SGCD: variants seen among roughly 807,000 people sequenced by gnomAD.
The protein encoded by SGCD is sarcoglycan delta.
In SGCD, 18 loss-of-function variants were observed where a neutral mutation model predicts 36.6. That is an observed-to-expected ratio of 0.49 (90% CI 0.34 to 0.73). The LOEUF is 0.73. Among genes scored for constraint, SGCD ranks in the 30% least tolerant of loss-of-function variants. The pLI, the probability that SGCD is intolerant of heterozygous loss-of-function variation, is 0.01. For synonymous variants in SGCD, 133 were observed against 130.6 expected (o/e 1.02, Z -0.12); for missense variants, 387 against 346.7 (o/e 1.12, Z -0.92).
intron 1 of SGCD, among the ~76,000 whole-genome samples, chr5:155,980,972 A>G (rs1052743557): frequency 6.6e-6 from 1 of 152,196 alleles, no homozygotes; most frequent in Non-Finnish European, 1.5e-5. Context: ...CCAAAGGGGC[A>G]GTGTAAACTC....
intron 3 of SGCD, among the ~76,000 whole-genome samples, chr5:156,296,009 AAG>A (rs1186810139): frequency 6.6e-6 from 1 of 152,180 alleles, no homozygotes; most frequent in Non-Finnish European, 1.5e-5. Flanking sequence ...GGTAGGAAGC[AAG>A]AGAGAGAGAA....
chr5:155,730,284 A>G, the SGCD span, among the ~76,000 whole-genome samples: 1 of 152,180 alleles, frequency 6.6e-6, no homozygotes. Context: ...CCAAAGCAGC[A>G]TCTTCCAAAA....
At chr5:155,815,844 C>G in the SGCD span, among the ~76,000 whole-genome samples, 1 of 151,794 alleles carries the variant, frequency 6.6e-6, no homozygotes, top group Admixed American at 6.6e-5. Flanking sequence ...TTGAGGGGAC[C>G]CAAATCTAAA....
chr5:156,143,184 G>A (rs1762617161), intron 3 of SGCD, among the ~76,000 whole-genome samples: 1 of 152,224 alleles, frequency 6.6e-6, no homozygotes, highest in Non-Finnish European at 1.5e-5. Context: ...TTCAAAGAGT[G>A]CAAACTGTAA....
intron 7 of SGCD, among the ~76,000 whole-genome samples, chr5:156,666,874 C>T (rs1312591624): frequency 6.6e-6 from 1 of 152,106 alleles, no homozygotes; most frequent in Non-Finnish European, 1.5e-5. Context: ...ATCTCTCTTG[C>T]TTTTCCCCAC....
At chr5:155,830,139 C>T in the SGCD span, among the ~76,000 whole-genome samples, 613 of 152,270 alleles carry the variant, frequency 4.0e-3, 4 homozygotes, top group African/African-American at 0.014. Flanking sequence ...GTGTATTAGA[C>T]TTCTAAAGCT....
At chr5:156,303,227 A>G (rs1767103931) in intron 3 of SGCD, among the ~76,000 whole-genome samples, 1 of 152,028 alleles carries the variant, frequency 6.6e-6, no homozygotes, top group Non-Finnish European at 1.5e-5. Flanking sequence ...CCTTTTCCAT[A>G]AGCAGAGGAG....
chr5:156,312,888 T>C (rs2127691559), intron 3 of SGCD, among the ~76,000 whole-genome samples: 1 of 152,324 alleles, frequency 6.6e-6, no homozygotes, highest in Non-Finnish European at 1.5e-5. Context: ...CTCAGCTCCC[T>C]ATTTCTTACA....
At chr5:156,004,468 TA>T (rs1758720174) in intron 1 of SGCD, among the ~76,000 whole-genome samples, 1 of 152,192 alleles carries the variant, frequency 6.6e-6, no homozygotes, top group Admixed American at 6.5e-5. Context: ...TGAATAATGC[TA>T]ACAACCCGTA....
chr5:156,745,494 A>AAAT (rs1442687740), intron 7 of SGCD, among the ~76,000 whole-genome samples: 2 of 152,338 alleles, frequency 1.3e-5, no homozygotes, highest in Non-Finnish European at 2.9e-5. Flanking sequence ...TGCAGGCTTC[A>AAAT]AATAATTCCT....
intron 1 of SGCD, among the ~76,000 whole-genome samples, chr5:156,033,692 C>A (rs1330024743): frequency 6.6e-6 from 1 of 152,152 alleles, no homozygotes; most frequent in Non-Finnish European, 1.5e-5. Flanking sequence ...AAATTAGAAA[C>A]TAAGACTATT....
intron 7 of SGCD, among the ~76,000 whole-genome samples, chr5:156,755,258 GAGGACTCTCACCTTGGCA>G (rs1320716809): frequency 1.3e-5 from 2 of 152,172 alleles, no homozygotes; most frequent in Non-Finnish European, 2.9e-5. Context: ...AAGATGACAG[GAGGACTCTCACCTTGGCA>G]AGGGGGATGA....
intron 6 of SGCD, among the ~76,000 whole-genome samples, chr5:156,622,639 C>G (rs1189275879): frequency 6.6e-6 from 1 of 151,606 alleles, no homozygotes; most frequent in African/African-American, 2.4e-5. Context: ...TGGGGAAAAC[C>G]GTATTTTTAT....
chr5:156,446,231 C>A (rs1753751502), intron 3 of SGCD, among the ~76,000 whole-genome samples: 1 of 152,114 alleles, frequency 6.6e-6, no homozygotes, highest in Non-Finnish European at 1.5e-5. Context: ...TGCTGGGCAG[C>A]AAAGATAAGT....
the SGCD span, among the ~76,000 whole-genome samples, chr5:155,738,315 C>T: frequency 1.3e-5 from 2 of 152,220 alleles, no homozygotes; most frequent in Non-Finnish European, 2.9e-5. Flanking sequence ...GCCCTCATCC[C>T]TGATCCCAAG....
At chr5:156,477,957 C>T (rs916320847) in intron 3 of SGCD, among the ~76,000 whole-genome samples, 2 of 151,838 alleles carry the variant, frequency 1.3e-5, no homozygotes, top group Non-Finnish European at 2.9e-5. Context: ...ACTGTCGTCA[C>T]CATTTAGGCA....
rs149070089 is a variant in SGCD at position 155,999,988 on chromosome 5, A to G, written c.-281-117890A>G. The stretch of plus-strand genomic sequence containing the variant: ...GAGTAGGTTCTATCTTCCTATCTTC[A>G]TAATGATTTGAAAGGCCAGGTCTAA... On this transcript the variant is annotated intron_variant, in intron 1 of 9. Transcript: ENST00000517913. Among the ~76,000 whole-genome samples, 719 of 152,346 alleles carry G rather than the reference A, an allele frequency of 4.7e-3. 6 individuals carry two copies. The highest frequency in any genetic ancestry group is 0.016 in the African/African-American group (669 of 41,588).
At chr5:156,347,291 C>T (rs1305974488) in intron 3 of SGCD, among the ~76,000 whole-genome samples, 1 of 152,148 alleles carries the variant, frequency 6.6e-6, no homozygotes, top group Non-Finnish European at 1.5e-5. Flanking sequence ...CCACAATTGC[C>T]ATCTGTCGAT....
At chr5:155,889,554 C>T (rs1756078146) in intron 1 of SGCD, among the ~76,000 whole-genome samples, 1 of 152,128 alleles carries the variant, frequency 6.6e-6, no homozygotes, top group Non-Finnish European at 1.5e-5. Context: ...GAAGTCTGTA[C>T]CTCCTAGATA....
Sources: gnomAD v4.1 joint callset for allele counts (sites outside exome capture counted in the v4.1 genomes callset) on GRCh38, gnomAD v4.1.1 for gene constraint, MANE v1.5 for transcripts, NCBI Gene and HGNC (gene_info 2026-07-23, HGNC 2026-07-21) for gene names.